FMN2: variants seen among roughly 807,000 people sequenced by gnomAD.
FMN2 encodes formin-2.
FMN2 carries 51 observed loss-of-function variants against 142.3 expected under a neutral mutation model. That is an observed-to-expected ratio of 0.36 (90% CI 0.29 to 0.45). The LOEUF (loss-of-function observed/expected upper bound fraction) is 0.45, where lower values mean the gene tolerates loss of function less well. FMN2 is among the 20% of genes least tolerant of loss of function. FMN2 has a pLI of 1.00. For synonymous variants in FMN2, 882 were observed against 869.8 expected (o/e 1.01, Z -0.25); for missense variants, 1,936 against 2,122.8 (o/e 0.91, Z 1.73).
At chr1:240,402,135 T>C (rs961127479) in intron 15 of FMN2, among the ~76,000 whole-genome samples, 3 of 152,236 alleles carry the variant, frequency 2.0e-5, no homozygotes, top group African/African-American at 7.2e-5. Flanking sequence ...TTCTAGTACA[T>C]TTTTTAAAAC....
At chr1:240,362,467 C>T (rs1672518715) in intron 14 of FMN2, among the ~76,000 whole-genome samples, 1 of 152,006 alleles carries the variant, frequency 6.6e-6, no homozygotes, top group Non-Finnish European at 1.5e-5. Context: ...TCACTGGGGA[C>T]TCATGTTTTC....
At chr1:240,283,855 T>C (rs1669495716) in intron 7 of FMN2, among the ~76,000 whole-genome samples, 1 of 152,212 alleles carries the variant, frequency 6.6e-6, no homozygotes, top group South Asian at 2.1e-4. Flanking sequence ...TTTAGAGCCA[T>C]ACTTTCCAGT....
chr1:240,396,411 C>T (rs892526313), intron 15 of FMN2, among the ~76,000 whole-genome samples: 1 of 150,476 alleles, frequency 6.6e-6, no homozygotes, highest in African/African-American at 2.4e-5. Context: ...GCAGGGCAAG[C>T]TGACAATTCT....
chr1:240,216,410 G>A (rs1193587503), intron 6 of FMN2, among the ~76,000 whole-genome samples: 3 of 152,134 alleles, frequency 2.0e-5, no homozygotes, highest in African/African-American at 7.2e-5. Context: ...CTTGACATTG[G>A]TCTAACCATT....
chr1:240,329,190 T>C, intron 9 of FMN2, 23 bp downstream of exon 9: 2 of 1,613,196 alleles, frequency 1.2e-6, no homozygotes, highest in Non-Finnish European at 8.5e-7. Flanking sequence ...TATAACCACG[T>C]AGAGGGCGTC....
chr1:240,413,354 G>A (rs1674478334), intron 15 of FMN2, among the ~76,000 whole-genome samples: 1 of 151,714 alleles, frequency 6.6e-6, no homozygotes, highest in Non-Finnish European at 1.5e-5. Context: ...TTATCGGTGA[G>A]GAAGGGTGGG....
In FMN2 at chr1:240,438,131, T is replaced by G; in HGVS notation, c.4981T>G (p.Phe1661Val). ...LGEKEVSPNA[F>V]FSIWHEFSSD... ...AGAGAAGGAGGTGTCCCCAAATGCT[T>G]TCTTCAGTATCTGGCATGAATTCAG... is the stretch of plus-strand genomic sequence containing the variant. Residue 1661 changes from phenylalanine (F) to valine (V), a missense_variant, in exon 16 of 18, where the codon TTC becomes GTC. Phe to Val is a conservative substitution (Grantham distance 50). This residue lies in a region of FMN2 where 322 missense variants were observed against 401.6 expected (regional missense o/e 0.80). Coordinates refer to ENST00000319653, the MANE Select transcript of FMN2 (RefSeq NM_020066.5). The G allele has an allele frequency of 6.2e-7, 1 of 1,614,166 alleles. No homozygotes were observed. The highest frequency in any genetic ancestry group is 1.1e-5 in the South Asian group (1 of 91,084).
At chr1:240,454,834 T>C (rs1301814030) in intron 16 of FMN2, among the ~76,000 whole-genome samples, 1 of 66,862 alleles carries the variant, frequency 1.5e-5, no homozygotes, top group Non-Finnish European at 3.8e-5. Flanking sequence ...CTACATAATA[T>C]TGATGGCAAA....
intron 6 of FMN2, among the ~76,000 whole-genome samples, chr1:240,229,796 A>C (rs1667478632): frequency 7.6e-6 from 1 of 131,540 alleles, no homozygotes; most frequent in Non-Finnish European, 1.6e-5. Flanking sequence ...ACAGGCATGC[A>C]CCACCATGCC....
chr1:240,396,303 CGTGTGTGTGTGTGTGTGT>C (rs57641655), intron 15 of FMN2, among the ~76,000 whole-genome samples: 2 of 142,740 alleles, frequency 1.4e-5, no homozygotes, highest in African/African-American at 2.5e-5. Flanking sequence ...CCGAGGTTTT[CGTGTGTGTGTGTGTGTGT>C]GTGTGTGTGT....
chr1:240,236,070 G>A (rs1335546033), intron 6 of FMN2, among the ~76,000 whole-genome samples: 1 of 152,182 alleles, frequency 6.6e-6, no homozygotes, highest in African/African-American at 2.4e-5. Context: ...AGACACAAAG[G>A]AGGTGGGTGT....
intron 16 of FMN2, among the ~76,000 whole-genome samples, chr1:240,450,881 C>T (rs1314188370): frequency 6.6e-6 from 1 of 152,170 alleles, no homozygotes; most frequent in South Asian, 2.1e-4. Flanking sequence ...GTTCCTAGGG[C>T]AAGCCACCTC....
chr1:240,192,306 A>C (rs923673338), intron 4 of FMN2, among the ~76,000 whole-genome samples: 1 of 152,190 alleles, frequency 6.6e-6, no homozygotes, highest in African/African-American at 2.4e-5. Context: ...AAGTTTGAAG[A>C]GCAAAAGAAG....
chr1:240,252,952 A>AATTTTTTTTTTTTTTTTTTT (rs1572118578), intron 6 of FMN2, among the ~76,000 whole-genome samples: 1 of 33,886 alleles, frequency 3.0e-5, no homozygotes, highest in Non-Finnish European at 5.0e-5. Context: ...AGTCTTGTTC[A>AATTTTTTTTTTTTTTTTTTT]CTTTTTTTTT....
At chr1:240,437,941 T>G (rs1350598212) in intron 15 of FMN2, 120 bp from the exon 16 acceptor site, 1 of 1,261,680 alleles carries the variant, frequency 7.9e-7, no homozygotes, top group Non-Finnish European at 1.1e-6. Context: ...TTGAAGAGCT[T>G]GAGTCCTCTT....
At chr1:240,472,855 G>A (rs756320605) in intron 17 of FMN2, among the ~76,000 whole-genome samples, 39 of 150,216 alleles carry the variant, frequency 2.6e-4, no homozygotes, top group Admixed American at 4.7e-4. Context: ...TGAGGCAGAG[G>A]AATCGCTTGA....
At position 240,304,330 on chromosome 1, in the gene FMN2, C is replaced by A. The variant is rs542045714; in HGVS notation, c.4215+9447C>A. On this transcript the variant is annotated intron_variant, in intron 8 of 17. Coordinates refer to ENST00000319653, the MANE Select transcript of FMN2 (RefSeq NM_020066.5). ...CATTCTCCCTCTTCCCAAGGGTTTG[C>A]TGGGTTTTTATTAATTGTTTTTATT... Among the ~76,000 whole-genome samples, 5 of 152,146 alleles carry A rather than the reference C, an allele frequency of 3.3e-5. No homozygotes were observed. The South Asian group carries it at 8.3e-4, about 25-fold the overall frequency.
At position 240,208,519 on chromosome 1, in the gene FMN2, C is replaced by G; in HGVS notation, c.3707C>G (p.Pro1236Arg). ...CCTGGGACAGGAATCCCACCGCCCCCTCTGCTTCCTGTATCAGGCCCTCCA... is the reference window on the plus strand; with the variant it reads ...CCTGGGACAGGAATCCCACCGCCCCGTCTGCTTCCTGTATCAGGCCCTCCA... ...PPPGTGIPPP[P>R]LLPVSGPPLL... Residue 1236 changes from proline to arginine, a missense_variant, in exon 5 of 18, where the codon CCT becomes CGT. Coordinates refer to ENST00000319653, the MANE Select transcript of FMN2 (RefSeq NM_020066.5). The G allele has an allele frequency of 1.9e-6, 3 of 1,612,932 alleles. No homozygotes were observed. The highest frequency in any genetic ancestry group is 2.5e-6 in the Non-Finnish European group (3 of 1,179,634).
At chr1:240,171,440 G>A in intron 2 of FMN2, 1 of 443,966 alleles carries the variant, frequency 2.3e-6, no homozygotes, top group Non-Finnish European at 4.2e-6. Context: ...ATCAAGGCAA[G>A]GATAATTCAG....
Sources: allele counts gnomAD v4.1 joint callset (sites outside exome capture counted in the v4.1 genomes callset), GRCh38; gene constraint gnomAD v4.1.1; regional missense constraint gnomAD v4.1.1; transcripts MANE v1.5; gene names NCBI Gene and HGNC (gene_info 2026-07-23, HGNC 2026-07-21).